Variants in FARP1 observed in about 807,000 individuals in gnomAD.
The protein encoded by FARP1 is FERM, ARH/RhoGEF and pleckstrin domain protein 1, also known as FERM, ARHGEF and pleckstrin domain-containing protein 1.
A neutral mutation model predicts 128.8 loss-of-function variants in FARP1; 52 were observed. The observed-to-expected ratio is 0.40, with a 90% CI of 0.32 to 0.51. The LOEUF (loss-of-function observed/expected upper bound fraction) is 0.51. Among genes scored for constraint, FARP1 ranks in the 20% least tolerant of loss-of-function variants. The pLI, the probability that FARP1 is intolerant of heterozygous loss-of-function variation, is 0.45. For synonymous variants in FARP1, 580 were observed against 551.8 expected (o/e 1.05, Z -0.72); for missense variants, 1,333 against 1,367.9 (o/e 0.97, Z 0.40).
intron 4 of FARP1, 135 bp downstream of exon 4, chr13:98,365,572 G>C (rs777580305): frequency 1.8e-6 from 1 of 565,532 alleles, no homozygotes; most frequent in Non-Finnish European, 3.2e-6. Context: ...TTTCATCATC[G>C]ACTAATCCGT....
At chr13:98,372,284 A>G (rs3925884) in intron 5 of FARP1, among the ~76,000 whole-genome samples, 5 of 151,864 alleles carry the variant, frequency 3.3e-5, no homozygotes, top group African/African-American at 1.2e-4. Context: ...ACGGGGTTTC[A>G]CCATATTGGC....
Position 98,453,001 on chromosome 13 carries a change from G to T in FARP1, c.*4684G>T. On this transcript the variant is annotated 3_prime_UTR_variant, in exon 27 of 27. Coordinates refer to ENST00000319562, the MANE Select transcript of FARP1 (RefSeq NM_005766.4). The stretch of plus-strand genomic sequence containing the variant: ...CCACCCATCTGAGAGACTTCATCTG[G>T]CTGCAGCACAGTGAAGACTGTGTGT... 3.5e-6 allele frequency: 2 copies of T among 573,702 alleles called. No individual in the cohort carries two copies. Among genetic ancestry groups the T allele is most frequent in the Non-Finnish European group, 3.0e-6 (1 of 334,232 alleles). The allele number at this position is 573,702 out of a possible 1,614,324, so 35.5% of individuals were successfully genotyped here. A position where few individuals can be genotyped will look rare whatever the true frequency, so the allele number is the denominator to read the frequency against.
chr13:98,161,992 A>C (rs1417599215), intron 1 of FARP1, among the ~76,000 whole-genome samples: 1 of 151,908 alleles, frequency 6.6e-6, no homozygotes, highest in Admixed American at 6.6e-5. Context: ...TATCTTCCCC[A>C]GGCTGGTCTC....
chr13:98,172,366 G>A (rs560360240), intron 1 of FARP1, among the ~76,000 whole-genome samples: 16 of 152,088 alleles, frequency 1.1e-4, no homozygotes, highest in African/African-American at 2.7e-4. Context: ...GCTGGTCTCC[G>A]GCAGTGCCAC....
At chr13:98,289,972 ACACG>A (rs1277186960) in intron 2 of FARP1, among the ~76,000 whole-genome samples, 2 of 152,082 alleles carry the variant, frequency 1.3e-5, no homozygotes, top group African/African-American at 4.8e-5. Context: ...TGTTTCATAC[ACACG>A]CGTACTTCTC....
chr13:98,173,066 G>A (rs572753420), intron 1 of FARP1, among the ~76,000 whole-genome samples: 47 of 152,280 alleles, frequency 3.1e-4, no homozygotes, highest in African/African-American at 1.1e-3. Context: ...TATCAATCTC[G>A]TGTTTTTTAG....
Position 98,148,293 on chromosome 13 carries a change from G to A in FARP1, c.-24+4801G>A, listed in dbSNP as rs373749318. 2.3e-4 allele frequency among the ~76,000 whole-genome samples: 35 copies of A among 152,280 alleles called. No homozygotes were observed. In the East Asian group the frequency reaches 6.4e-3, roughly 28 times the overall value. ...CTCGGGAGGCTGAGGCAGGAGAATCGCTGGAACCCGGGAGGCGGAGGTTGT... is the reference window on the plus strand; with the variant it reads ...CTCGGGAGGCTGAGGCAGGAGAATCACTGGAACCCGGGAGGCGGAGGTTGT... On this transcript the variant is annotated intron_variant, in intron 1 of 26. Transcript: ENST00000319562.
intron 2 of FARP1, among the ~76,000 whole-genome samples, chr13:98,312,679 G>C (rs1407523220): frequency 1.3e-5 from 2 of 152,144 alleles, no homozygotes; most frequent in Admixed American, 6.5e-5. Context: ...GGAGGCTTTA[G>C]AAGATGGGGA....
intron 1 of FARP1, among the ~76,000 whole-genome samples, chr13:98,203,005 A>G (rs563149064): frequency 6.6e-6 from 1 of 152,308 alleles, no homozygotes; most frequent in African/African-American, 2.4e-5. Flanking sequence ...CAGGCATGAG[A>G]CACTGCCCCT....
chr13:98,157,622 C>T (rs1876582685), intron 1 of FARP1, among the ~76,000 whole-genome samples: 1 of 152,180 alleles, frequency 6.6e-6, no homozygotes, highest in Non-Finnish European at 1.5e-5. Context: ...TCTAACAGCC[C>T]AACCACCCTG....
intron 5 of FARP1, among the ~76,000 whole-genome samples, chr13:98,371,625 A>C (rs1889336476): frequency 6.6e-6 from 1 of 151,898 alleles, no homozygotes; most frequent in Non-Finnish European, 1.5e-5. Flanking sequence ...CATGGGGCCG[A>C]TGTGTTGGGA....
At chr13:98,287,941 A>G (rs1440575089) in intron 2 of FARP1, among the ~76,000 whole-genome samples, 3 of 151,820 alleles carry the variant, frequency 2.0e-5, no homozygotes, top group Non-Finnish European at 4.4e-5. Flanking sequence ...AGCTGGGACT[A>G]CGGGCACCCA....
At chr13:98,446,232 C>T in intron 25 of FARP1, 27 bp downstream of exon 25, 1 of 1,508,348 alleles carries the variant, frequency 6.6e-7, no homozygotes, top group Non-Finnish European at 9.2e-7. Context: ...GGGCAGGTGG[C>T]CCTGGGACCT....
At chr13:98,288,616 C>T (rs1278907906) in intron 2 of FARP1, among the ~76,000 whole-genome samples, 1 of 152,158 alleles carries the variant, frequency 6.6e-6, no homozygotes, top group South Asian at 2.1e-4. Context: ...CCCAGAAATG[C>T]GGTTTTCTGT....
At chr13:98,284,652 C>CTCTT (rs3086419) in intron 2 of FARP1, among the ~76,000 whole-genome samples, 2 of 152,140 alleles carry the variant, frequency 1.3e-5, no homozygotes, top group African/African-American at 4.8e-5. Flanking sequence ...TCTCAAGTAT[C>CTCTT]TGAGTTACTG....
In FARP1 at chr13:98,374,360, G is replaced by A. The variant is rs532094285; in HGVS notation, c.399-3461G>A. ...GATTGCTTGAGCCCCCAGAGGTTGA[G>A]GCTGCAGTGAGCAGTGATTGTACCA... On this transcript the variant is annotated intron_variant, in intron 5 of 26. Coordinates refer to ENST00000319562, the MANE Select transcript of FARP1 (RefSeq NM_005766.4). Among the ~76,000 whole-genome samples, 4 of 152,160 alleles carry A rather than the reference G, an allele frequency of 2.6e-5. No homozygotes were observed. The South Asian group carries it at 8.3e-4, about 32-fold the overall frequency.
chr13:98,191,304 G>A (rs1264952690), intron 1 of FARP1, among the ~76,000 whole-genome samples: 2 of 152,160 alleles, frequency 1.3e-5, no homozygotes, highest in Non-Finnish European at 2.9e-5. Flanking sequence ...ACGAGCACTG[G>A]GGATGTTGAA....
In FARP1 at chr13:98,453,241, C is replaced by T; in HGVS notation, c.*4924C>T. 6.2e-7 allele frequency: 1 copy of T among 1,606,190 alleles called. No homozygotes were observed. The highest frequency in any genetic ancestry group is 8.5e-7 in the Non-Finnish European group (1 of 1,176,316). On this transcript the variant is annotated 3_prime_UTR_variant, in exon 27 of 27. Coordinates refer to ENST00000319562, the MANE Select transcript of FARP1 (RefSeq NM_005766.4). ...AAAAAGAGAGAGAGAGAAGTCAACA[C>T]ATGTCATTTCTCATCCCTGTGCAAA...
rs1491453247 is a variant in FARP1 at position 98,417,455 on chromosome 13, G to GGGAAAAAAAAAAAAA, written c.1826+5421_1826+5422insGGAAAAAAAAAAAAA. Among the ~76,000 whole-genome samples, 68 of 58,480 alleles carry GGGAAAAAAAAAAAAA rather than the reference G, an allele frequency of 1.2e-3. 4 individuals carry two copies. Among genetic ancestry groups the GGGAAAAAAAAAAAAA allele is most frequent in the African/African-American group, 3.2e-3 (56 of 17,468 alleles). 38.4% of individuals were successfully genotyped at this position (58,480 alleles called of 152,430 possible). A position where few individuals can be genotyped will look rare whatever the true frequency, so the allele number is the denominator to read the frequency against. On this transcript the variant is annotated intron_variant, in intron 16 of 26. Transcript: ENST00000319562. ...AGGAAACAGAGGCCACCAGAGGTTT[G>GGGAAAAAAAAAAAAA]AAAAAAAAAAAAAAAAAAAAAAAAA...
Sources: allele counts gnomAD v4.1 joint callset (sites outside exome capture counted in the v4.1 genomes callset), GRCh38; gene constraint gnomAD v4.1.1; transcripts MANE v1.5; gene names NCBI Gene and HGNC (gene_info 2026-07-23, HGNC 2026-07-21).